DLG1: variants seen among roughly 807,000 people sequenced by gnomAD.
DLG1 encodes the protein discs large MAGUK scaffold protein 1, also known as disks large homolog 1.
In DLG1, 42 loss-of-function variants were observed where a neutral mutation model predicts 123.4. The ratio of observed to expected loss-of-function variants is 0.34; its 90% CI spans 0.27 to 0.44. The LOEUF is 0.44. Among genes scored for constraint, DLG1 ranks in the 20% least tolerant of loss-of-function variants. The pLI, the probability that DLG1 is intolerant of heterozygous loss-of-function variation, is 1.00. For missense variants in DLG1, 942 were observed against 1,082.6 expected (o/e 0.87, Z 1.82); for synonymous variants, 317 against 356.2 (o/e 0.89, Z 1.24).
At chr3:197,066,059 C>T (rs1383901433) in intron 20 of DLG1, among the ~76,000 whole-genome samples, 2 of 152,126 alleles carry the variant, frequency 1.3e-5, no homozygotes, top group African/African-American at 4.8e-5. Flanking sequence ...GGTGTTTTCG[C>T]AGATAATGTT....
At chr3:197,287,185 G>C (rs1200949127) in intron 3 of DLG1, among the ~76,000 whole-genome samples, 2 of 151,994 alleles carry the variant, frequency 1.3e-5, no homozygotes, top group Non-Finnish European at 2.9e-5. Context: ...AGATGGAAAA[G>C]GGAAGTGGGG....
rs73084567 is a variant in DLG1 at position 197,123,391 on chromosome 3, A to C, written c.1166-3861T>G. On this transcript the variant is annotated intron_variant, in intron 11 of 24. Coordinates refer to ENST00000667157, the MANE Select transcript of DLG1 (RefSeq NM_001366207.1). ...TTAGAGTTATTTCTCAAATACATAA[A>C]ACTTCCTTTAAATCAATAATAAAAC... Among the ~76,000 whole-genome samples the C allele has an allele frequency of 5.3e-3, 815 of 152,344 alleles. 8 individuals carry two copies. The highest frequency in any genetic ancestry group is 0.019 in the African/African-American group (788 of 41,578).
chr3:197,177,991 T>A (rs573506033), intron 5 of DLG1, among the ~76,000 whole-genome samples: 2 of 152,132 alleles, frequency 1.3e-5, no homozygotes, highest in Non-Finnish European at 2.9e-5. Flanking sequence ...ATTCAACAAA[T>A]ATTTTCTGGT....
chr3:197,182,244 G>A (rs986650112), intron 5 of DLG1, among the ~76,000 whole-genome samples: 2 of 151,932 alleles, frequency 1.3e-5, no homozygotes, highest in Admixed American at 6.6e-5. Flanking sequence ...GCATCCTTTC[G>A]TGATATATGT....
chr3:197,244,431 T>C (rs931464588), intron 4 of DLG1, among the ~76,000 whole-genome samples: 1 of 152,142 alleles, frequency 6.6e-6, no homozygotes, highest in African/African-American at 2.4e-5. Context: ...ATTTAATCCA[T>C]TTCAGCCAGG....
Position 197,170,812 on chromosome 3 carries a change from A to G in DLG1, c.484-21016T>C, listed in dbSNP as rs950679967. The stretch of plus-strand genomic sequence containing the variant: ...CATGATGAACCCTTTGCCTGTTCCT[A>G]TATCCAGAATGGTACTGCCTAGGTT... On this transcript the variant is annotated intron_variant, in intron 5 of 24. Coordinates refer to ENST00000667157, the MANE Select transcript of DLG1 (RefSeq NM_001366207.1). Among the ~76,000 whole-genome samples, 9 of 152,266 alleles carry G rather than the reference A, an allele frequency of 5.9e-5. 1 individual carries two copies. Among genetic ancestry groups the G allele is most frequent in the African/African-American group, 2.2e-4 (9 of 41,544 alleles).
At chr3:197,230,523 T>G (rs529884776) in intron 4 of DLG1, among the ~76,000 whole-genome samples, 21 of 152,314 alleles carry the variant, frequency 1.4e-4, no homozygotes, top group African/African-American at 3.8e-4. Context: ...TTATTGTTAC[T>G]ATCATAAAAC....
chr3:197,048,477 A>G (rs916004738), intron 24 of DLG1, among the ~76,000 whole-genome samples: 1 of 152,172 alleles, frequency 6.6e-6, no homozygotes, highest in African/African-American at 2.4e-5. Flanking sequence ...TCACAAACAC[A>G]CACGCAAACC....
chr3:197,111,880 C>T (rs916096475), intron 13 of DLG1, among the ~76,000 whole-genome samples: 4 of 152,004 alleles, frequency 2.6e-5, no homozygotes, highest in Non-Finnish European at 5.9e-5. Context: ...GTAAACATAC[C>T]ACAATTTAGC....
chr3:197,297,482 C>A (rs1778040232), intron 1 of DLG1: 5 of 1,318,602 alleles, frequency 3.8e-6, no homozygotes, highest in Middle Eastern at 3.0e-4. Flanking sequence ...AAAGCGTCCC[C>A]TCCCCAAAGA....
At chr3:197,210,319 A>G (rs1730692935) in intron 4 of DLG1, among the ~76,000 whole-genome samples, 1 of 145,302 alleles carries the variant, frequency 6.9e-6, no homozygotes, top group Non-Finnish European at 1.5e-5. Flanking sequence ...GCAGAAATCA[A>G]TGAAACAGAA....
At chr3:197,150,240 T>C (rs2149761246) in intron 5 of DLG1, among the ~76,000 whole-genome samples, 1 of 152,138 alleles carries the variant, frequency 6.6e-6, no homozygotes, top group Non-Finnish European at 1.5e-5. Context: ...AAAAAGTTCA[T>C]CACAGAAAGA....
At position 197,062,491 on chromosome 3, in the gene DLG1, A is replaced by G. The variant is rs185060900; in HGVS notation, c.2374-2493T>C. Among the ~76,000 whole-genome samples the G allele has an allele frequency of 3.1e-3, 478 of 152,228 alleles. 4 individuals are homozygous for G. Among genetic ancestry groups the G allele is most frequent in the African/African-American group, 0.011 (453 of 41,542 alleles). ...TTTACTCTATGTATTATAATATGTT[A>G]TTATCATTTATCTTGATATTCAAAT... On this transcript the variant is annotated intron_variant, in intron 22 of 24. Transcript: ENST00000667157.
At chr3:197,218,019 A>T (rs767250594) in intron 4 of DLG1, among the ~76,000 whole-genome samples, 1 of 152,160 alleles carries the variant, frequency 6.6e-6, no homozygotes, top group African/African-American at 2.4e-5. Context: ...TCTAACAAAG[A>T]TTTTTCATTA....
intron 5 of DLG1, among the ~76,000 whole-genome samples, chr3:197,186,559 G>T (rs904462874): frequency 5.8e-4 from 88 of 152,178 alleles, no homozygotes; most frequent in African/African-American, 2.0e-3. Context: ...TAGTTCAGTG[G>T]ATTACTATGT....
chr3:197,163,179 A>C (rs1251688521), intron 5 of DLG1, among the ~76,000 whole-genome samples: 1 of 152,238 alleles, frequency 6.6e-6, no homozygotes, highest in African/African-American at 2.4e-5. Flanking sequence ...GGAAGTGTCT[A>C]ATTAAAACAA....
At chr3:197,140,651 G>C (rs562027989) in intron 7 of DLG1, among the ~76,000 whole-genome samples, 2 of 152,168 alleles carry the variant, frequency 1.3e-5, no homozygotes, top group Admixed American at 1.3e-4. Flanking sequence ...ATGCTGAAGT[G>C]ATCTTCCCGC....
Position 197,142,944 on chromosome 3 carries a change from G to A in DLG1, c.538-176C>T, listed in dbSNP as rs1291113806. ...TTTCAAGGAATGGAAAAATACAAATGTGATTAATGAGTTGACAACATTCGT... is the reference window on the plus strand; with the variant it reads ...TTTCAAGGAATGGAAAAATACAAATATGATTAATGAGTTGACAACATTCGT... On this transcript the variant is annotated intron_variant, in intron 6 of 24. Transcript: ENST00000667157. 3 of 586,368 alleles carry A rather than the reference G, an allele frequency of 5.1e-6. No homozygotes were observed. In the East Asian group the frequency reaches 9.1e-5, roughly 18 times the overall value. 36.3% of individuals were successfully genotyped at this position (586,368 alleles called of 1,614,324 possible).
At chr3:197,099,561 A>G (rs1004278479) in intron 14 of DLG1, among the ~76,000 whole-genome samples, 2 of 152,200 alleles carry the variant, frequency 1.3e-5, no homozygotes, top group Admixed American at 1.3e-4. Context: ...ACAAGTTAGT[A>G]TGTATACGCT....
Sources: gnomAD v4.1 joint callset for allele counts (sites outside exome capture counted in the v4.1 genomes callset) on GRCh38, gnomAD v4.1.1 for gene constraint, MANE v1.5 for transcripts, NCBI Gene and HGNC (gene_info 2026-07-23, HGNC 2026-07-21) for gene names.